The following PPP2R2B variants were observed in gnomAD, a reference collection of about 807,000 sequenced individuals.
PPP2R2B encodes the protein protein phosphatase 2 regulatory subunit Bbeta.
Under a neutral mutation model 46.0 loss-of-function variants are expected in PPP2R2B, and 5 were observed. The observed-to-expected ratio is 0.11, with a 90% CI of 0.06 to 0.23. PPP2R2B has a LOEUF of 0.23. Among genes scored for constraint, PPP2R2B ranks in the 10% least tolerant of loss-of-function variants. The probability of loss-of-function intolerance (pLI) is 1.00; values close to 1 mark genes in which losing one functional copy is unlikely to be tolerated. For missense variants in PPP2R2B, 367 were observed against 575.0 expected, an observed-to-expected ratio of 0.64 and a Z score of 3.70; for synonymous variants, 215 against 206.7, an observed-to-expected ratio of 1.04 and a Z score of -0.34.
At chr5:146,916,288 C>A (rs1377674807) in intron 1 of PPP2R2B, among the ~76,000 whole-genome samples, 1 of 130,768 alleles carries the variant, frequency 7.6e-6, no homozygotes, top group East Asian at 2.5e-4. Context: ...CCACATGTTA[C>A]CACCGTTTTT....
At chr5:146,805,842 T>G (rs1405357330) in intron 2 of PPP2R2B, among the ~76,000 whole-genome samples, 1 of 152,126 alleles carries the variant, frequency 6.6e-6, no homozygotes, top group Non-Finnish European at 1.5e-5. Flanking sequence ...GATCTACACC[T>G]GACAAGCAGA....
chr5:146,756,659 T>C (rs1045765498), intron 2 of PPP2R2B, among the ~76,000 whole-genome samples: 3 of 152,236 alleles, frequency 2.0e-5, no homozygotes, highest in Non-Finnish European at 2.9e-5. Context: ...ACTTATCAGT[T>C]TTCTTATCTG....
intron 1 of PPP2R2B, among the ~76,000 whole-genome samples, chr5:146,885,273 G>A (rs934932067): frequency 2.6e-5 from 4 of 152,234 alleles, no homozygotes; most frequent in Admixed American, 1.3e-4. Context: ...AGAGCCTGGC[G>A]CCAACCCATG....
intron 2 of PPP2R2B, among the ~76,000 whole-genome samples, chr5:146,714,493 G>A (rs933486390): frequency 6.6e-6 from 1 of 152,042 alleles, no homozygotes; most frequent in Non-Finnish European, 1.5e-5. Flanking sequence ...TGGTGGGAAA[G>A]TTCCAACTGC....
chr5:147,064,549 T>C (rs1435371636), intron 2 of PPP2R2B, among the ~76,000 whole-genome samples: 1 of 152,256 alleles, frequency 6.6e-6, no homozygotes, highest in Non-Finnish European at 1.5e-5. Flanking sequence ...AATTGCATAT[T>C]AGGCAGCATA....
rs116257544 is a variant in PPP2R2B at position 146,948,092 on chromosome 5, C to T, written c.79+107573G>A. 2.9e-3 allele frequency among the ~76,000 whole-genome samples: 446 copies of T among 152,022 alleles called. 7 individuals carry two copies. Among genetic ancestry groups the T allele is most frequent in the African/African-American group, 9.6e-3 (397 of 41,532 alleles). Reference sequence around the variant, plus strand: ...ACTTGCCATGCTGTGTTCATATAATCGTTTCCCTTACCCTATAAACCCTTA... The same window carrying T: ...ACTTGCCATGCTGTGTTCATATAATTGTTTCCCTTACCCTATAAACCCTTA... On this transcript the variant is annotated intron_variant, in intron 1 of 8. Transcript: ENST00000336640.
In PPP2R2B at chr5:147,068,750, A is replaced by T. The variant is rs187127889; in HGVS notation, c.50+12309T>A. ...GAATAATAAGCTGTAAAAAATTGCC[A>T]TCAGTTTTCCTTGGAAAATAGGCAC... On this transcript the variant is annotated intron_variant, in intron 2 of 10. Coordinates refer to the PPP2R2B transcript ENST00000394413. Among the ~76,000 whole-genome samples, 109 of 152,344 alleles carry T rather than the reference A, an allele frequency of 7.2e-4. 1 individual carries two copies. The highest frequency in any genetic ancestry group is 2.5e-3 in the African/African-American group (103 of 41,590).
chr5:146,699,732 T>G (rs905581694), intron 3 of PPP2R2B, among the ~76,000 whole-genome samples: 7 of 150,934 alleles, frequency 4.6e-5, no homozygotes, highest in Admixed American at 2.0e-4. Context: ...TCAAAAGACT[T>G]TAAATGCTGA....
chr5:146,878,976 C>T (rs184542724), upstream of PPP2R2B: 494 of 1,081,834 alleles, frequency 4.6e-4, 4 homozygotes, highest in African/African-American at 5.6e-3. The surrounding 1 kb of genome is among the most constrained non-coding windows in gnomAD (Gnocchi z 4.5). Context: ...CCAACCTCCT[C>T]CCCTCTCGCG....
At chr5:146,936,163 T>TG (rs1764132344) in intron 1 of PPP2R2B, among the ~76,000 whole-genome samples, 1 of 152,150 alleles carries the variant, frequency 6.6e-6, no homozygotes, top group Admixed American at 6.6e-5. Context: ...GTTGACATTT[T>TG]GGGGTAGGGT....
chr5:147,023,498 T>C (rs1755384808), intron 1 of PPP2R2B, among the ~76,000 whole-genome samples: 1 of 152,088 alleles, frequency 6.6e-6, no homozygotes, highest in East Asian at 1.9e-4. Flanking sequence ...ATATACACTT[T>C]AAATATAAAA....
At chr5:146,698,470 A>G (rs1365270326) in intron 3 of PPP2R2B, among the ~76,000 whole-genome samples, 1 of 151,362 alleles carries the variant, frequency 6.6e-6, no homozygotes, top group African/African-American at 2.4e-5. Flanking sequence ...AAGTTCTAAT[A>G]TTTTCTTTTT....
At chr5:146,977,795 T>C (rs968716196) in intron 1 of PPP2R2B, among the ~76,000 whole-genome samples, 34 of 152,196 alleles carry the variant, frequency 2.2e-4, no homozygotes, top group African/African-American at 7.7e-4. Flanking sequence ...TTTGGATTGG[T>C]TCTAAGTCTT....
intron 2 of PPP2R2B, among the ~76,000 whole-genome samples, chr5:146,717,415 T>A (rs549610749): frequency 1.5e-4 from 23 of 152,336 alleles, no homozygotes; most frequent in African/African-American, 5.3e-4. Context: ...GTTGGCAAAA[T>A]TCCTTTCTTT....
At chr5:146,617,591 G>A (rs1309304592) in intron 7 of PPP2R2B, among the ~76,000 whole-genome samples, 1 of 152,116 alleles carries the variant, frequency 6.6e-6, no homozygotes, top group Admixed American at 6.5e-5. Flanking sequence ...AGGTGCTAGA[G>A]TTACAAGAGT....
intron 2 of PPP2R2B, among the ~76,000 whole-genome samples, chr5:146,722,343 A>G (rs1303004894): frequency 1.3e-5 from 2 of 152,186 alleles, no homozygotes; most frequent in Admixed American, 6.5e-5. Context: ...AAAGAGAGTT[A>G]GTAAGACTTA....
chr5:146,599,113 G>A (rs577294928), intron 8 of PPP2R2B, among the ~76,000 whole-genome samples: 2 of 152,050 alleles, frequency 1.3e-5, no homozygotes, highest in African/African-American at 2.4e-5. Context: ...TTATACTCTT[G>A]CTTGGACCTG....
intron 1 of PPP2R2B, among the ~76,000 whole-genome samples, chr5:146,933,405 A>G (rs1267939297): frequency 3.3e-5 from 5 of 152,196 alleles, no homozygotes; most frequent in Non-Finnish European, 7.3e-5. Flanking sequence ...TAAAAAATCA[A>G]AAGATTTTGA....
chr5:147,005,110 C>T (rs1236625421), intron 1 of PPP2R2B, among the ~76,000 whole-genome samples: 1 of 152,174 alleles, frequency 6.6e-6, no homozygotes, highest in East Asian at 1.9e-4. Context: ...AGGCCCTCAA[C>T]CCTGCCACTT....
Sources: gnomAD v4.1 joint callset for allele counts (sites outside exome capture counted in the v4.1 genomes callset) on GRCh38, gnomAD v4.1.1 for gene constraint, Gnocchi (gnomAD v3.1) non-coding constraint, MANE v1.5 for transcripts, NCBI Gene and HGNC (gene_info 2026-07-23, HGNC 2026-07-21) for gene names.